The following ZFPM2 variants were observed in gnomAD, a reference collection of about 807,000 sequenced individuals.
The protein encoded by ZFPM2 is zinc finger protein ZFPM2.
In ZFPM2, 20 loss-of-function variants were observed where a neutral mutation model predicts 98.6. That is an observed-to-expected ratio of 0.20 (90% CI 0.14 to 0.29). ZFPM2 has a LOEUF of 0.29. Ranked by LOEUF, ZFPM2 falls within the 10% of genes least tolerant of loss-of-function variation. The pLI is 1.00. For missense variants in ZFPM2, 1,310 were observed against 1,388.6 expected (o/e 0.94, Z 0.90); for synonymous variants, 518 against 502.7 (o/e 1.03, Z -0.41).
intron 4 of ZFPM2, among the ~76,000 whole-genome samples, chr8:105,608,813 G>A (rs764658707): frequency 6.6e-6 from 1 of 151,980 alleles, no homozygotes; most frequent in Non-Finnish European, 1.5e-5. Flanking sequence ...TTTGCTAGTG[G>A]TGCTGTTTCT....
At chr8:105,796,814 G>T (rs1369829877) in intron 6 of ZFPM2, 1 of 152,090 alleles carries the variant, frequency 6.6e-6, no homozygotes, top group Admixed American at 6.5e-5. Context: ...GCCACTGTTT[G>T]CCTGGCTTAG....
chr8:105,356,660 C>A (rs1454037256), intron 1 of ZFPM2, among the ~76,000 whole-genome samples: 2 of 152,156 alleles, frequency 1.3e-5, no homozygotes, highest in African/African-American at 2.4e-5. Context: ...TGTTCTACTT[C>A]AAAAGACAGC....
In ZFPM2 at chr8:105,431,921, C is replaced by CAAAAAAAAAAAAAAAA. The variant is rs150549199; in HGVS notation, c.200-12351_200-12350insAAAAAAAAAAAAAAAA. 3.8e-4 allele frequency among the ~76,000 whole-genome samples: 51 copies of CAAAAAAAAAAAAAAAA among 133,426 alleles called. 2 individuals are homozygous for CAAAAAAAAAAAAAAAA. Among genetic ancestry groups the CAAAAAAAAAAAAAAAA allele is most frequent in the African/African-American group, 1.5e-3 (45 of 30,342 alleles). The allele number at this position is 133,426 out of a possible 152,430, so 87.5% of individuals were successfully genotyped here. A position where few individuals can be genotyped will look rare whatever the true frequency, so the allele number is the denominator to read the frequency against. The stretch of plus-strand genomic sequence containing the variant: ...TGGGTGACAGAGCAAGACTGTGTCT[C>CAAAAAAAAAAAAAAAA]AAAAAAAAGAAAAAGAATGTGACAC... On this transcript the variant is annotated intron_variant, in intron 2 of 7. Coordinates refer to ENST00000407775, the MANE Select transcript of ZFPM2 (RefSeq NM_012082.4).
chr8:105,662,127 G>A (rs73700111), intron 5 of ZFPM2, among the ~76,000 whole-genome samples: 7,660 of 152,188 alleles, frequency 0.05, 214 homozygotes, highest in Admixed American at 0.089. Flanking sequence ...CACGCGTGAT[G>A]GAGGAGGCAG....
intron 3 of ZFPM2, among the ~76,000 whole-genome samples, chr8:105,514,159 C>T (rs1266298199): frequency 1.3e-5 from 2 of 151,956 alleles, no homozygotes; most frequent in Admixed American, 1.3e-4. Context: ...CCCACCATCA[C>T]ACGCGTCTAA....
At chr8:105,639,411 C>T (rs933160043) in intron 5 of ZFPM2, among the ~76,000 whole-genome samples, 4 of 151,990 alleles carry the variant, frequency 2.6e-5, no homozygotes, top group African/African-American at 9.7e-5. Flanking sequence ...TTCTCTAGGT[C>T]TCCAGATTAA....
chr8:105,485,418 CT>C (rs1813212581), intron 3 of ZFPM2, among the ~76,000 whole-genome samples: 1 of 152,020 alleles, frequency 6.6e-6, no homozygotes, highest in African/African-American at 2.4e-5. Flanking sequence ...TCTCTGGAGG[CT>C]GAGGGAGGAG....
At chr8:105,630,909 A>G (rs1195526271) in intron 4 of ZFPM2, among the ~76,000 whole-genome samples, 2 of 152,138 alleles carry the variant, frequency 1.3e-5, no homozygotes, top group East Asian at 1.9e-4. Context: ...AGACTTTTCA[A>G]TTTTAGCATT....
intron 4 of ZFPM2, among the ~76,000 whole-genome samples, chr8:105,570,146 A>T (rs983069364): frequency 1.3e-5 from 2 of 152,136 alleles, no homozygotes; most frequent in Non-Finnish European, 2.9e-5. Context: ...GGCTTCTCTT[A>T]TACTCTATCT....
At chr8:105,757,092 T>C (rs1812618273) in intron 5 of ZFPM2, among the ~76,000 whole-genome samples, 1 of 152,218 alleles carries the variant, frequency 6.6e-6, no homozygotes. Context: ...GCATATTTCA[T>C]GCAACATAAT....
At chr8:105,512,625 T>C (rs1813839667) in intron 3 of ZFPM2, among the ~76,000 whole-genome samples, 1 of 152,140 alleles carries the variant, frequency 6.6e-6, no homozygotes, top group South Asian at 2.1e-4. Context: ...TGTTAAAGGG[T>C]GAATGTATCT....
chr8:105,679,332 G>A (rs142586978), intron 5 of ZFPM2, among the ~76,000 whole-genome samples: 134 of 152,220 alleles, frequency 8.8e-4, no homozygotes, highest in African/African-American at 3.0e-3. Flanking sequence ...GGTCTTTGCC[G>A]GGAGTTCATG....
chr8:105,659,837 G>A (rs1217756369), intron 5 of ZFPM2, among the ~76,000 whole-genome samples: 1 of 152,064 alleles, frequency 6.6e-6, no homozygotes, highest in Non-Finnish European at 1.5e-5. Flanking sequence ...ACTTACCAAA[G>A]CATCCTGTTC....
chr8:105,412,908 A>G (rs73697326), intron 1 of ZFPM2, among the ~76,000 whole-genome samples: 2,669 of 151,824 alleles, frequency 0.018, 88 homozygotes, highest in African/African-American at 0.061. Context: ...GCAGCTGAGA[A>G]CTCTGAGAGA....
intron 5 of ZFPM2, among the ~76,000 whole-genome samples, chr8:105,635,441 A>G (rs1405953841): frequency 6.6e-6 from 1 of 152,052 alleles, no homozygotes; most frequent in East Asian, 1.9e-4. Context: ...AACACCAGAA[A>G]GAGGGAATTT....
At chr8:105,519,948 C>A (rs1172741099) in intron 3 of ZFPM2, among the ~76,000 whole-genome samples, 1 of 152,012 alleles carries the variant, frequency 6.6e-6, no homozygotes, top group Non-Finnish European at 1.5e-5. Flanking sequence ...AGGAAAAATA[C>A]GTTTGTGCTG....
chr8:105,438,905 C>A lies in ZFPM2; in HGVS notation c.200-5375C>A, dbSNP rs555963005. Among the ~76,000 whole-genome samples, 29 of 152,210 alleles carry A rather than the reference C, an allele frequency of 1.9e-4. 1 individual carries two copies. In the South Asian group the frequency reaches 2.7e-3, roughly 14 times the overall value. On this transcript the variant is annotated intron_variant, in intron 2 of 7. Transcript: ENST00000407775. ...CTGAATTTCTATACTTTATGTCTTACCACTTGGAATTATTCATGAACTATC... is the reference window on the plus strand; with the variant it reads ...CTGAATTTCTATACTTTATGTCTTAACACTTGGAATTATTCATGAACTATC...
At chr8:105,381,965 A>C (rs1390918968) in intron 1 of ZFPM2, among the ~76,000 whole-genome samples, 1 of 152,138 alleles carries the variant, frequency 6.6e-6, no homozygotes, top group East Asian at 1.9e-4. Context: ...GTTTGCCATA[A>C]ATTCAAACAT....
intron 5 of ZFPM2, among the ~76,000 whole-genome samples, chr8:105,681,789 T>G (rs1420874652): frequency 2.6e-5 from 4 of 152,136 alleles, no homozygotes; most frequent in Non-Finnish European, 5.9e-5. Flanking sequence ...GGAAACCAGT[T>G]GGCATAACTG....
Sources: allele counts gnomAD v4.1 joint callset (sites outside exome capture counted in the v4.1 genomes callset), GRCh38; gene constraint gnomAD v4.1.1; transcripts MANE v1.5; gene names NCBI Gene and HGNC (gene_info 2026-07-23, HGNC 2026-07-21).